The following DNAH9 variants were observed in gnomAD, a reference collection of about 807,000 sequenced individuals.
The protein encoded by DNAH9 is DNAH9 variant protein.
In DNAH9, 345 loss-of-function variants were observed where a neutral mutation model predicts 471.6. The observed-to-expected ratio is 0.73, with a 90% CI of 0.67 to 0.80. The LOEUF (loss-of-function observed/expected upper bound fraction) is 0.80. Among genes scored for constraint, DNAH9 ranks in the 30% least tolerant of loss-of-function variants. The pLI is 0.00. For missense variants in DNAH9, 5,407 were observed against 5,609.2 expected, an observed-to-expected ratio of 0.96 and a Z score of 1.15; for synonymous variants, 2,093 against 2,123.6, an observed-to-expected ratio of 0.99 and a Z score of 0.40.
At chr17:11,790,713 TTCTA>T (rs1197452611) in intron 41 of DNAH9, among the ~76,000 whole-genome samples, 1 of 151,944 alleles carries the variant, frequency 6.6e-6, no homozygotes, top group Non-Finnish European at 1.5e-5. Context: ...TTTTAATATA[TTCTA>T]TCTATTCTAC....
intron 50 of DNAH9, among the ~76,000 whole-genome samples, chr17:11,859,636 T>C (rs1469700130): frequency 6.6e-6 from 1 of 152,126 alleles, no homozygotes; most frequent in Non-Finnish European, 1.5e-5. Context: ...ACAAGCAGCA[T>C]GGTTCTGGCT....
rs777824018 is a variant in DNAH9, at chr17:11,652,825, A to T, written c.2418A>T (p.Lys806Asn). ...SIHDLEQRIQ[K>N]TKDNVEEIQN... ...ATGATCTTGAACAAAGAATTCAGAA[A>T]ACTAAAGACAATGTGGAAGAGATCC... is the stretch of plus-strand genomic sequence containing the variant. The change falls in exon 14 of 69, where the codon AAA becomes AAT. Residue 806 changes from lysine (K) to asparagine (N), a missense_variant. Around this residue, in one of 3 missense-constraint regions of DNAH9, gnomAD observed 4,636 missense variants for 4,900.3 expected, o/e 0.95. Transcript: ENST00000262442. 5 of 1,613,870 alleles carry T rather than the reference A, an allele frequency of 3.1e-6. No homozygotes were observed. In the Admixed American group the frequency reaches 8.3e-5, roughly 27 times the overall value.
At chr17:11,634,154 T>C (rs2073117619) in intron 8 of DNAH9, among the ~76,000 whole-genome samples, 1 of 152,138 alleles carries the variant, frequency 6.6e-6, no homozygotes, top group Admixed American at 6.5e-5. Context: ...TCTTCTGACC[T>C]TGACTCTTCT....
chr17:11,669,634 T>TA lies in DNAH9; in HGVS notation c.3194dup (p.Tyr1065Ter), dbSNP rs1406178090. The TA allele has an allele frequency of 6.2e-7, 1 of 1,614,162 alleles. No homozygotes were observed. Among genetic ancestry groups the TA allele is most frequent in the Admixed American group, 1.7e-5 (1 of 60,022 alleles). Residue 1065 changes from tyrosine (Y) to a stop codon, truncating the protein, a stop_gained and frameshift_variant, in exon 17 of 69, where the codon TAT becomes TAAT. Coordinates refer to ENST00000262442, the MANE Select transcript of DNAH9 (RefSeq NM_001372.4). LOFTEE classifies it high-confidence loss of function. ...TCAGTTTAAAGTGCAAATCGACTCC[T>TA]ATGAAACGCTCTATGAAGAGGTGTG... ...LSQFKVQIDS[Y>*]ETLYEEVCRL...
rs540068974 is a variant in DNAH9, at chr17:11,598,570, A to G, written c.72A>G (p.Arg24=). The change falls in exon 1 of 69, where the codon CGA becomes CGG. Residue 24 remains arginine (R), a synonymous_variant. Coordinates refer to ENST00000262442, the MANE Select transcript of DNAH9 (RefSeq NM_001372.4). The part of the protein sequence containing the change: ...NADGEPGADR[R]LRLLGTYVAM... ...ATGGGGAACCCGGCGCCGACCGACGACTGCGACTCCTGGGGACCTACGTGG... is the reference window on the plus strand; with the variant it reads ...ATGGGGAACCCGGCGCCGACCGACGGCTGCGACTCCTGGGGACCTACGTGG... 12 of 1,405,302 alleles carry G rather than the reference A, an allele frequency of 8.5e-6. No individual in the cohort carries two copies. The African/African-American group carries it at 1.8e-4, about 21-fold the overall frequency. 87.1% of individuals were successfully genotyped at this position (1,405,302 alleles called of 1,614,324 possible).
At position 11,621,301 on chromosome 17, in the gene DNAH9, G is replaced by A. The variant is rs538955613; in HGVS notation, c.1350+1520G>A. ...CGGGCGCCTGTAGTCCCAGCTACTC[G>A]GGAGGCTGAGGCAGGAGAATCGTTT... On this transcript the variant is annotated intron_variant, in intron 6 of 68. Coordinates refer to ENST00000262442, the MANE Select transcript of DNAH9 (RefSeq NM_001372.4). Among the ~76,000 whole-genome samples the A allele has an allele frequency of 4.0e-5, 6 of 151,686 alleles. No individual in the cohort carries two copies. In the East Asian group the frequency reaches 1.2e-3, roughly 30 times the overall value.
chr17:11,769,009 G>A, intron 37 of DNAH9, 113 bp from the exon 38 acceptor site: 2 of 1,078,432 alleles, frequency 1.9e-6, no homozygotes, highest in South Asian at 1.4e-5. Flanking sequence ...GTGCTTATTT[G>A]GGGAGCTCCA....
chr17:11,632,427 C>T (rs189109389), intron 7 of DNAH9, among the ~76,000 whole-genome samples, 160 bp from the exon 8 acceptor site: 1 of 152,254 alleles, frequency 6.6e-6, no homozygotes, highest in Admixed American at 6.5e-5. Flanking sequence ...CAGGGTAACT[C>T]TACATGGCTA....
At chr17:11,898,279 C>T (rs1209938417) in intron 59 of DNAH9, among the ~76,000 whole-genome samples, 1 of 152,170 alleles carries the variant, frequency 6.6e-6, no homozygotes, top group Non-Finnish European at 1.5e-5. Flanking sequence ...CGTGCGCCAC[C>T]ACACCCAGAA....
Position 11,929,946 on chromosome 17 carries a change from C to A in DNAH9, c.11958C>A (p.Phe3986Leu), listed in dbSNP as rs767402926. Residue 3986 changes from phenylalanine to leucine, a missense_variant, in exon 63 of 69, where the codon TTC (phenylalanine) becomes TTA (leucine). Physicochemically the swap from Phe to Leu is conservative, Grantham distance 22. Transcript: ENST00000262442. ...EEHSENSHPE[F>L]RVFMSAEPAP... ...ACAGTGAGAACAGCCACCCAGAGTT[C>A]AGGGTCTTCATGAGTGCAGAGCCAG... is the stretch of plus-strand genomic sequence containing the variant. 6.2e-7 allele frequency: 1 copy of A among 1,614,046 alleles called. No individual in the cohort carries two copies. The highest frequency in any genetic ancestry group is 1.1e-5 in the South Asian group (1 of 91,070).
chr17:11,771,269 C>T (rs144627717), intron 38 of DNAH9, among the ~76,000 whole-genome samples: 3,575 of 152,194 alleles, frequency 0.023, 62 homozygotes, highest in South Asian at 0.05. Flanking sequence ...GCTGGGATTA[C>T]AGGCACCTGC....
At chr17:11,628,713 G>A (rs1482485713) in intron 6 of DNAH9, among the ~76,000 whole-genome samples, 1 of 152,202 alleles carries the variant, frequency 6.6e-6, no homozygotes, top group Non-Finnish European at 1.5e-5. Flanking sequence ...TGTCATTCTA[G>A]AACTGGATAA....
chr17:11,920,156 C>G (rs1297715046), intron 61 of DNAH9, among the ~76,000 whole-genome samples: 2 of 151,734 alleles, frequency 1.3e-5, no homozygotes, highest in African/African-American at 4.8e-5. Flanking sequence ...CCTGCCTCAG[C>G]CCCCTGAGTA....
intron 28 of DNAH9, among the ~76,000 whole-genome samples, chr17:11,733,860 CAAA>C (rs57515310): frequency 0.58 from 65,604 of 112,730 alleles, 17,838 homozygotes; most frequent in Middle Eastern, 0.69. Flanking sequence ...GACTCCATCT[CAAA>C]AAAAAAAAAA....
At chr17:11,969,234 G>A in intron 68 of DNAH9, 66 bp from the exon 69 acceptor site, 1 of 1,437,068 alleles carries the variant, frequency 7.0e-7, no homozygotes. Flanking sequence ...CTGCTGACAA[G>A]AGCAAGGCTG....
chr17:11,690,247 T>A lies in DNAH9; in HGVS notation c.4425T>A (p.Asn1475Lys), dbSNP rs138166089. The change falls in exon 20 of 69, where the codon AAT (asparagine) becomes AAA (lysine). Residue 1475 changes from asparagine to lysine, a missense_variant. By Grantham distance (94) the Asn-to-Lys change is moderately conservative. Around this residue, in one of 3 missense-constraint regions of DNAH9, gnomAD observed 4,636 missense variants for 4,900.3 expected, o/e 0.95. Coordinates refer to ENST00000262442, the MANE Select transcript of DNAH9 (RefSeq NM_001372.4). ...DEDLIEVLED[N>K]QVQLQNLVMS... ...ACCTCATAGAGGTTCTGGAGGATAA[T>A]CAAGTTCAACTTCAGAACCTGGTGA... The A allele has an allele frequency of 1.9e-6, 3 of 1,614,164 alleles. No homozygotes were observed. Among genetic ancestry groups the A allele is most frequent in the Non-Finnish European group, 2.5e-6 (3 of 1,180,022 alleles).
At position 11,772,454 on chromosome 17, in the gene DNAH9, C is replaced by T. The variant is rs75340178; in HGVS notation, c.7552+3125C>T. Among the ~76,000 whole-genome samples, 1,483 of 152,186 alleles carry T rather than the reference C, an allele frequency of 9.7e-3. 33 individuals are homozygous for T. The highest frequency in any genetic ancestry group is 0.034 in the African/African-American group (1,420 of 41,510). Reference sequence around the variant, plus strand: ...GCTTTCTCCTTCCCTCCTGTTAGAACACAGAGAATTTCTTTTTTTCTTTCT... The same window carrying T: ...GCTTTCTCCTTCCCTCCTGTTAGAATACAGAGAATTTCTTTTTTTCTTTCT... On this transcript the variant is annotated intron_variant, in intron 38 of 68. Coordinates refer to ENST00000262442, the MANE Select transcript of DNAH9 (RefSeq NM_001372.4).
Position 11,719,413 on chromosome 17 carries a change from G to A in DNAH9, c.5632G>A (p.Glu1878Lys). 10 of 1,613,972 alleles carry A rather than the reference G, an allele frequency of 6.2e-6. No homozygotes were observed. Among genetic ancestry groups the A allele is most frequent in the East Asian group, 4.5e-5 (2 of 44,860 alleles). The change falls in exon 27 of 69, where the codon GAG (glutamate) becomes AAG (lysine). Residue 1878 changes from glutamate to lysine, a missense_variant. Glu to Lys is a moderately conservative substitution (Grantham distance 56). This residue lies in a region of DNAH9 where 4,636 missense variants were observed against 4,900.3 expected (regional missense o/e 0.95). Coordinates refer to ENST00000262442, the MANE Select transcript of DNAH9 (RefSeq NM_001372.4). ...PAGPAGTGKT[E>K]TTKDLGRALG... ...AGGACCTGCAGGCACAGGCAAGACC[G>A]AGACCACCAAGGACCTGGGCCGCGC...
chr17:11,960,938 C>T (rs1304508260), intron 67 of DNAH9, among the ~76,000 whole-genome samples: 1 of 152,170 alleles, frequency 6.6e-6, no homozygotes, highest in Non-Finnish European at 1.5e-5. Flanking sequence ...ACACCTATTA[C>T]AGAAACCACA....
Sources: allele counts gnomAD v4.1 joint callset (sites outside exome capture counted in the v4.1 genomes callset), GRCh38; gene constraint gnomAD v4.1.1; regional missense constraint gnomAD v4.1.1; transcripts MANE v1.5; gene names NCBI Gene and HGNC (gene_info 2026-07-23, HGNC 2026-07-21).